Variants in ADGRA1 observed in about 807,000 individuals in gnomAD.
ADGRA1 encodes the protein G-protein coupled receptor 123.
Under a neutral mutation model 21.3 loss-of-function variants are expected in ADGRA1, and 12 were observed. The ratio of observed to expected loss-of-function variants is 0.56; its 90% CI spans 0.36 to 0.91. The LOEUF (loss-of-function observed/expected upper bound fraction) is 0.91. Ranked by LOEUF, ADGRA1 falls within the 40% of genes least tolerant of loss-of-function variation. The pLI is 0.01. For synonymous variants in ADGRA1, 385 were observed against 368.8 expected, an observed-to-expected ratio of 1.04 and a Z score of -0.50; for missense variants, 790 against 805.6, an observed-to-expected ratio of 0.98 and a Z score of 0.23.
chr10:133,114,225 C>T (rs1360332822), intron 5 of ADGRA1, among the ~76,000 whole-genome samples: 1 of 152,228 alleles, frequency 6.6e-6, no homozygotes. Flanking sequence ...GCGGGACACA[C>T]CGCCACTGAT....
chr10:133,120,377 C>T (rs1233049360), intron 5 of ADGRA1, among the ~76,000 whole-genome samples: 1 of 152,156 alleles, frequency 6.6e-6, no homozygotes, highest in African/African-American at 2.4e-5. Flanking sequence ...TGCACTCCAG[C>T]CTGGGCGACA....
intron 5 of ADGRA1, among the ~76,000 whole-genome samples, chr10:133,112,320 A>C: frequency 7.7e-6 from 1 of 130,490 alleles, no homozygotes; most frequent in South Asian, 2.5e-4. Context: ...TGCGGGCCGC[A>C]TCGGTTATCT....
At chr10:133,102,318 C>T (rs561124474) in intron 4 of ADGRA1, 22 of 509,596 alleles carry the variant, frequency 4.3e-5, no homozygotes, top group Non-Finnish European at 7.8e-5. Flanking sequence ...ACCTCCTCTC[C>T]CTTGGTGGAC....
At chr10:133,096,666 C>T (rs960748533) in intron 2 of ADGRA1, among the ~76,000 whole-genome samples, 5 of 152,222 alleles carry the variant, frequency 3.3e-5, no homozygotes, top group Non-Finnish European at 7.3e-5. Flanking sequence ...AGGCATCAGT[C>T]GGCCGATACA....
intron 5 of ADGRA1, among the ~76,000 whole-genome samples, chr10:133,111,190 C>T (rs1851990517): frequency 6.8e-6 from 1 of 146,308 alleles, no homozygotes; most frequent in East Asian, 2.0e-4. Context: ...CACCTCCCTC[C>T]TAATCCCTCC....
At chr10:133,107,259 G>T (rs540709568) in intron 5 of ADGRA1, among the ~76,000 whole-genome samples, 1 of 152,128 alleles carries the variant, frequency 6.6e-6, no homozygotes, top group East Asian at 1.9e-4. Context: ...AGTATTTCCT[G>T]TATATATAAT....
Position 133,128,695 on chromosome 10 carries a change from C to T in ADGRA1, c.867C>T (p.Cys289=). 6.2e-7 allele frequency: 1 copy of T among 1,612,008 alleles called. No homozygotes were observed. The highest frequency in any genetic ancestry group is 8.5e-7 in the Non-Finnish European group (1 of 1,179,644). The change falls in exon 7 of 7, where the codon TGC becomes TGT. Residue 289 remains cysteine (C), a synonymous_variant. Transcript: ENST00000392607. ...QGHFLDMVFS[C]LYGAFCVTLG... ...ACTTCCTGGACATGGTCTTCAGCTG[C>T]CTGTACGGCGCCTTCTGCGTGACCC...
intron 2 of ADGRA1, among the ~76,000 whole-genome samples, chr10:133,091,307 C>T (rs1188314303): frequency 6.6e-6 from 1 of 151,204 alleles, no homozygotes; most frequent in Non-Finnish European, 1.5e-5. Flanking sequence ...AGTGTGGTTG[C>T]CGTGGGATGG....
In ADGRA1 at chr10:133,130,771, G is replaced by A. The variant is rs1274049927; in HGVS notation, c.*1260G>A. On this transcript the variant is annotated 3_prime_UTR_variant, in exon 7 of 7. Transcript: ENST00000392607. ...CACACACATGCACACACACAAACAC[G>A]TGCATATCACACACATGCACACAAA... The A allele has an allele frequency of 1.2e-4, 17 of 137,162 alleles. No homozygotes were observed. Among genetic ancestry groups the A allele is most frequent in the Admixed American group, 7.3e-4 (10 of 13,756 alleles). 8.5% of individuals were successfully genotyped at this position (137,162 alleles called of 1,614,324 possible).
chr10:133,127,805 A>T (rs1451570645), intron 6 of ADGRA1, among the ~76,000 whole-genome samples: 104 of 6,466 alleles, frequency 0.016, 1 homozygote, highest in Admixed American at 0.045. Context: ...CCGCCCACCC[A>T]GCTCCACCTC....
rs374324374 is a variant in ADGRA1, at chr10:133,128,606, G to T, written c.778G>T (p.Ala260Ser). 35 of 1,600,780 alleles carry T rather than the reference G, an allele frequency of 2.2e-5. No homozygotes were observed. Among genetic ancestry groups the T allele is most frequent in the Non-Finnish European group, 3.0e-5 (35 of 1,175,918 alleles). ...ATTCCAGGCACAGCTGCGCGCCGCC[G>T]CCTTCACGCTGTTCCTGTTCACGGC... is the stretch of plus-strand genomic sequence containing the variant. ...HSFQAQLRAA[A>S]FTLFLFTATW... is the part of the protein sequence containing the mutation. The change falls in exon 7 of 7, where the codon GCC becomes TCC. Residue 260 changes from alanine (A) to serine (S), a missense_variant. This residue lies in a region of ADGRA1 where 382 missense variants were observed against 415.6 expected (regional missense o/e 0.92). Coordinates refer to ENST00000392607, the MANE Select transcript of ADGRA1 (RefSeq NM_001083909.3).
intron 3 of ADGRA1, 51 bp from the exon 4 acceptor site, chr10:133,098,589 T>C (rs1175878265): frequency 1.9e-6 from 3 of 1,565,208 alleles, no homozygotes; most frequent in African/African-American, 1.4e-5. Context: ...CTTCCACGCC[T>C]CCCCCTGCAG....
At chr10:133,104,096 G>T (rs980993846) in intron 5 of ADGRA1, among the ~76,000 whole-genome samples, 1 of 152,224 alleles carries the variant, frequency 6.6e-6, no homozygotes, top group African/African-American at 2.4e-5. Context: ...GTCCAAAACG[G>T]TCTGAAGAAT....
chr10:133,117,136 C>T (rs1293544704), intron 5 of ADGRA1, among the ~76,000 whole-genome samples: 2 of 152,104 alleles, frequency 1.3e-5, no homozygotes, highest in African/African-American at 4.8e-5. Flanking sequence ...CAGAGCACCC[C>T]GAGTGAGGGG....
At chr10:133,103,303 G>A (rs925820451) in intron 5 of ADGRA1, among the ~76,000 whole-genome samples, 3 of 152,200 alleles carry the variant, frequency 2.0e-5, no homozygotes, top group African/African-American at 7.2e-5. Context: ...TTTTGGCTTC[G>A]GCTTCATGGT....
At chr10:133,115,521 C>A (rs1370767052) in intron 5 of ADGRA1, among the ~76,000 whole-genome samples, 2 of 152,146 alleles carry the variant, frequency 1.3e-5, no homozygotes, top group Non-Finnish European at 2.9e-5. Flanking sequence ...CCGAGAAGGG[C>A]AGCCCCCAGG....
chr10:133,106,879 G>GCCC (rs1313368428), intron 5 of ADGRA1, among the ~76,000 whole-genome samples: 2 of 152,182 alleles, frequency 1.3e-5, no homozygotes, highest in African/African-American at 2.4e-5. Context: ...CTGGGGCCAC[G>GCCC]CCCGCTCTGA....
At chr10:133,095,882 C>T (rs1469474953) in intron 2 of ADGRA1, 17 of 1,407,584 alleles carry the variant, frequency 1.2e-5, no homozygotes, top group Non-Finnish European at 1.5e-5. Flanking sequence ...CCGGCTGCCT[C>T]CTCCTGCCCC....
rs544537303 is a variant in ADGRA1, at chr10:133,128,893, C to T, written c.1065C>T (p.Phe355=). ...CGGGACTGGGCCAGCCACGGGGCTTCGCGCACCCACCGGGCCCCTGCAAGA... is the reference window on the plus strand; with the variant it reads ...CGGGACTGGGCCAGCCACGGGGCTTTGCGCACCCACCGGGCCCCTGCAAGA... The part of the protein sequence containing the change: ...HSPGLGQPRG[F]AHPPGPCKMT... The change falls in exon 7 of 7, where the codon TTC becomes TTT. Residue 355 remains phenylalanine (F), a synonymous_variant. Coordinates refer to ENST00000392607, the MANE Select transcript of ADGRA1 (RefSeq NM_001083909.3). 26 of 1,560,382 alleles carry T rather than the reference C, an allele frequency of 1.7e-5. No individual in the cohort carries two copies. In the East Asian group the frequency reaches 5.1e-4, roughly 31 times the overall value.
Sources: allele counts gnomAD v4.1 joint callset (sites outside exome capture counted in the v4.1 genomes callset), GRCh38; gene constraint gnomAD v4.1.1; regional missense constraint gnomAD v4.1.1; transcripts MANE v1.5; gene names NCBI Gene and HGNC (gene_info 2026-07-23, HGNC 2026-07-21).